Variants in CFAP221 observed in about 807,000 individuals in gnomAD.
The protein encoded by CFAP221 is cilia and flagella associated protein 221, also known as cilia- and flagella-associated protein 221.
Under a neutral mutation model 113.1 loss-of-function variants are expected in CFAP221, and 97 were observed. The observed-to-expected ratio is 0.86, with a 90% confidence interval of 0.73 to 1.02. CFAP221 has a LOEUF of 1.02. Ranked by LOEUF, CFAP221 falls within the 50% of genes least tolerant of loss-of-function variation. CFAP221 has a pLI of 0.00. For missense variants in CFAP221, 1,025 were observed against 1,013.4 expected (o/e 1.01, Z -0.16); for synonymous variants, 331 against 354.4 (o/e 0.93, Z 0.74).
intron 7 of CFAP221, among the ~76,000 whole-genome samples, chr2:119,598,418 C>T (rs145630797): frequency 1.2e-4 from 18 of 152,304 alleles, no homozygotes; most frequent in African/African-American, 3.6e-4. Context: ...TGATACCCAT[C>T]GTATTGATAA....
chr2:119,589,056 C>A (rs1164147088), intron 7 of CFAP221, among the ~76,000 whole-genome samples: 1 of 152,136 alleles, frequency 6.6e-6, no homozygotes, highest in East Asian at 1.9e-4. Context: ...GACTTTGGGA[C>A]CCGTCTTTTG....
chr2:119,609,677 C>G (rs1685018406), intron 12 of CFAP221, among the ~76,000 whole-genome samples: 5 of 152,126 alleles, frequency 3.3e-5, no homozygotes, highest in Admixed American at 2.0e-4. Context: ...ATGCTGAGTT[C>G]TAGGGGTTAA....
intron 21 of CFAP221, among the ~76,000 whole-genome samples, chr2:119,641,012 G>A (rs115347849): frequency 1.2e-4 from 19 of 152,064 alleles, no homozygotes; most frequent in African/African-American, 4.1e-4. Flanking sequence ...AAGTGCAGCC[G>A]TCCCATCCAC....
At chr2:119,578,904 C>A (rs1682645730) in intron 6 of CFAP221, among the ~76,000 whole-genome samples, 1 of 152,058 alleles carries the variant, frequency 6.6e-6, no homozygotes, top group South Asian at 2.1e-4. Flanking sequence ...AGTTCAAGAT[C>A]ATTTGTTCTA....
At chr2:119,608,377 C>A in intron 11 of CFAP221, 125 bp from the exon 12 acceptor site, 2 of 610,942 alleles carry the variant, frequency 3.3e-6, no homozygotes, top group South Asian at 2.7e-5. Context: ...CTTCTCTATC[C>A]CATGTGTCTC....
At chr2:119,585,116 A>G (rs891360760) in intron 6 of CFAP221, among the ~76,000 whole-genome samples, 3 of 152,256 alleles carry the variant, frequency 2.0e-5, no homozygotes, top group Non-Finnish European at 4.4e-5. Context: ...AAATGAATGC[A>G]CAGAGCTTTA....
chr2:119,636,341 A>G lies in CFAP221; in HGVS notation c.1975-1918A>G, dbSNP rs1226753189. ...AAAGGAAAATTGTGAAAGCAAGAAG[A>G]AAAGGTACAGAAAAGCAGAAGAATG... On this transcript the variant is annotated intron_variant, in intron 19 of 23. Transcript: ENST00000413369. Among the ~76,000 whole-genome samples, 6 of 152,352 alleles carry G rather than the reference A, an allele frequency of 3.9e-5. No homozygotes were observed. The East Asian group carries it at 1.2e-3, about 29-fold the overall frequency.
intron 21 of CFAP221, among the ~76,000 whole-genome samples, chr2:119,640,113 T>C (rs1462007341): frequency 5.3e-5 from 8 of 151,680 alleles, no homozygotes; most frequent in Non-Finnish European, 1.2e-4. Context: ...TGAGTACAAG[T>C]AGACAACCAT....
intron 8 of CFAP221, chr2:119,602,904 G>T (rs1574103612): frequency 2.4e-6 from 1 of 425,260 alleles, no homozygotes; most frequent in Non-Finnish European, 3.1e-6. Context: ...TTGTATGACA[G>T]AAGCACCATA....
chr2:119,604,953 A>G lies in CFAP221; in HGVS notation c.990A>G (p.Glu330=). The G allele has an allele frequency of 6.2e-7, 1 of 1,614,154 alleles. No individual in the cohort carries two copies. The highest frequency in any genetic ancestry group is 2.2e-5 in the East Asian group (1 of 44,888). The change falls in exon 10 of 24, where the codon GAA becomes GAG. Residue 330 remains glutamate (E), a synonymous_variant. Transcript: ENST00000413369. ...PFAVATVLNQ[E]PGKLKIKELR... The stretch of plus-strand genomic sequence containing the variant: ...CTGTGGCAACTGTTTTAAACCAAGA[A>G]CCAGGAAAATTGAAGATTAAAGAAT...
rs200679990 is a variant in CFAP221, at chr2:119,610,185, TC to T, written c.1222-1465del. 7.4e-3 allele frequency among the ~76,000 whole-genome samples: 1,124 copies of T among 152,216 alleles called. 12 individuals carry two copies. The highest frequency in any genetic ancestry group is 0.026 in the African/African-American group (1,061 of 41,520). Reference sequence around the variant, plus strand: ...GCGGGCAGTGACAGCCAAGGAGCAGTCCCATCCTTAGCATGGCTCCTGGGGC... The same window carrying T: ...GCGGGCAGTGACAGCCAAGGAGCAGTCCATCCTTAGCATGGCTCCTGGGGC... On this transcript the variant is annotated intron_variant, in intron 12 of 23. Coordinates refer to ENST00000413369, the MANE Select transcript of CFAP221 (RefSeq NM_001271049.2).
intron 12 of CFAP221, 110 bp from the exon 13 acceptor site, chr2:119,611,543 C>T (rs1007147507): frequency 1.2e-5 from 10 of 823,676 alleles, no homozygotes; most frequent in East Asian, 5.4e-5. Context: ...CCAATGGGAA[C>T]GTCGTGGGTG....
rs1187783036 is a variant in CFAP221, at chr2:119,562,041, C to G, written c.454C>G (p.His152Asp). 8 of 1,534,994 alleles carry G rather than the reference C, an allele frequency of 5.2e-6. No homozygotes were observed. Among genetic ancestry groups the G allele is most frequent in the Non-Finnish European group, 6.1e-6 (7 of 1,146,446 alleles). ...AGATGACACTTTGCTTGTTCCTATT[C>G]ATGCCTATCCAGTCATGAACTCACT... The part of the protein sequence containing the change: ...KGDDTLLVPI[H>D]AYPVMNSLDF... The change falls in exon 6 of 24, where the codon CAT (histidine) becomes GAT (aspartate). Residue 152 changes from histidine to aspartate, a missense_variant. By Grantham distance (81) the His-to-Asp change is moderately conservative. Transcript: ENST00000413369.
In CFAP221 at chr2:119,630,586, A is replaced by G. The variant is rs374610270; in HGVS notation, c.1748A>G (p.Lys583Arg). Reference protein sequence around the residue: ...FFNLQVPQLYKIKRYQPFSVH... With the variant: ...FFNLQVPQLYRIKRYQPFSVH... ...CACCTTCAGGTTCCTCAACTGTACA[A>G]AATTAAGAGATATCAGCCATTCTCT... The change falls in exon 18 of 24, where the codon AAA becomes AGA. Residue 583 changes from lysine (K) to arginine (R), a missense_variant. Physicochemically the swap from Lys to Arg is conservative, Grantham distance 26. Transcript: ENST00000413369. 5 of 1,612,038 alleles carry G rather than the reference A, an allele frequency of 3.1e-6. No homozygotes were observed. The highest frequency in any genetic ancestry group is 4.2e-6 in the Non-Finnish European group (5 of 1,178,042).
At chr2:119,609,613 G>T (rs1376888274) in intron 12 of CFAP221, among the ~76,000 whole-genome samples, 1 of 152,126 alleles carries the variant, frequency 6.6e-6, no homozygotes, top group African/African-American at 2.4e-5. Context: ...GACTCTCACA[G>T]CCTCATTTTA....
Position 119,627,809 on chromosome 2 carries a change from G to A in CFAP221, c.1650+23G>A, listed in dbSNP as rs1243576200. On this transcript the variant is annotated intron_variant, in intron 16 of 23. Transcript: ENST00000413369. ...TTGGTAGGTGCCGTCAGGCTTGGGG[G>A]CGGGGAGTGGACATGATCATGATCG... is the stretch of plus-strand genomic sequence containing the variant. 6.8e-6 allele frequency: 11 copies of A among 1,612,390 alleles called. No homozygotes were observed. The African/African-American group carries it at 1.1e-4, about 16-fold the overall frequency.
chr2:119,639,401 C>T (rs1687335674), intron 20 of CFAP221, among the ~76,000 whole-genome samples: 1 of 152,206 alleles, frequency 6.6e-6, no homozygotes, highest in East Asian at 1.9e-4. Context: ...CCACGTGGCG[C>T]GCGTGTGCAG....
At chr2:119,545,959 A>G (rs1297854848) in intron 1 of CFAP221, 126 bp from the exon 2 acceptor site, 1 of 640,370 alleles carries the variant, frequency 1.6e-6, no homozygotes, top group Non-Finnish European at 2.6e-6. Flanking sequence ...TGGCCCGCAG[A>G]GAGGAGAGCC....
rs911930066 is a variant in CFAP221, at chr2:119,656,508, G to A, written c.*38G>A. 9 of 1,406,064 alleles carry A rather than the reference G, an allele frequency of 6.4e-6. No homozygotes were observed. Among genetic ancestry groups the A allele is most frequent in the African/African-American group, 1.4e-5 (1 of 70,698 alleles). 87.1% of individuals were successfully genotyped at this position (1,406,064 alleles called of 1,614,324 possible). On this transcript the variant is annotated 3_prime_UTR_variant, in exon 24 of 24. Transcript: ENST00000413369. ...GGTCAGTCCCTTCCATTTGCTTTCC[G>A]TGGGCCACTGTGGCCCCTTGCGTCC...
Sources: allele counts gnomAD v4.1 joint callset (sites outside exome capture counted in the v4.1 genomes callset), GRCh38; gene constraint gnomAD v4.1.1; transcripts MANE v1.5; gene names NCBI Gene and HGNC (gene_info 2026-07-23, HGNC 2026-07-21).